IMMP2L: variants seen among roughly 807,000 people sequenced by gnomAD.
IMMP2L encodes mitochondrial inner membrane protease subunit 2.
A neutral mutation model predicts 19.3 loss-of-function variants in IMMP2L; 18 were observed. That is an observed-to-expected ratio of 0.93 (90% CI 0.64 to 1.38). The LOEUF (loss-of-function observed/expected upper bound fraction) is 1.38, where lower values mean the gene tolerates loss of function less well. Ranked by LOEUF, IMMP2L falls within the 40% of genes most tolerant of loss-of-function variation. The pLI is 0.00. For missense variants in IMMP2L, 233 were observed against 218.2 expected, an observed-to-expected ratio of 1.07 and a Z score of -0.43; for synonymous variants, 76 against 73.0, an observed-to-expected ratio of 1.04 and a Z score of -0.21.
intron 3 of IMMP2L, among the ~76,000 whole-genome samples, chr7:110,986,996 C>A (rs538093200): frequency 6.6e-6 from 1 of 151,702 alleles, no homozygotes; most frequent in African/African-American, 2.4e-5. Context: ...TAACTCTCAC[C>A]GAAATAGTAA....
At chr7:110,920,741 A>AT (rs1323530816) in intron 4 of IMMP2L, among the ~76,000 whole-genome samples, 1 of 152,212 alleles carries the variant, frequency 6.6e-6, no homozygotes, top group Non-Finnish European at 1.5e-5. Context: ...GGTTTTATTC[A>AT]TACTACTTCT....
intron 3 of IMMP2L, among the ~76,000 whole-genome samples, chr7:111,189,513 C>A (rs916252780): frequency 6.6e-6 from 1 of 151,784 alleles, no homozygotes; most frequent in Non-Finnish European, 1.5e-5. Flanking sequence ...TTACACTCTA[C>A]TCATAGATTA....
intron 3 of IMMP2L, among the ~76,000 whole-genome samples, chr7:111,374,084 T>C (rs1026610141): frequency 6.6e-6 from 1 of 152,008 alleles, no homozygotes; most frequent in Non-Finnish European, 1.5e-5. Context: ...CAAGCCTTCA[T>C]CATGGTCACT....
intron 5 of IMMP2L, among the ~76,000 whole-genome samples, chr7:110,705,023 T>A (rs766817417): frequency 1.3e-5 from 2 of 152,366 alleles, no homozygotes; most frequent in East Asian, 3.9e-4. Flanking sequence ...CATTTTTATA[T>A]ATGATCAGCT....
intron 4 of IMMP2L, among the ~76,000 whole-genome samples, chr7:110,918,691 T>G (rs1813910497): frequency 6.7e-6 from 1 of 149,258 alleles, no homozygotes; most frequent in South Asian, 2.1e-4. Context: ...CCTGACCTCA[T>G]GATCTGCCCA....
intron 3 of IMMP2L, among the ~76,000 whole-genome samples, chr7:110,991,311 T>C (rs1822430927): frequency 6.6e-6 from 1 of 152,178 alleles, no homozygotes; most frequent in South Asian, 2.1e-4. Flanking sequence ...ACTCTAAATG[T>C]TTATATTTAA....
intron 3 of IMMP2L, among the ~76,000 whole-genome samples, chr7:111,120,616 G>C (rs1237037914): frequency 1.3e-5 from 2 of 151,900 alleles, no homozygotes; most frequent in African/African-American, 4.8e-5. Context: ...TTATTCTCAG[G>C]GAAAAATAAA....
intron 2 of IMMP2L, among the ~76,000 whole-genome samples, chr7:111,509,410 C>A (rs1845239772): frequency 6.6e-6 from 1 of 152,130 alleles, no homozygotes; most frequent in Non-Finnish European, 1.5e-5. Context: ...GACAAGCCCA[C>A]ATTTAAAATT....
intron 3 of IMMP2L, among the ~76,000 whole-genome samples, chr7:111,243,252 T>G (rs534752530): frequency 6.6e-6 from 1 of 152,054 alleles, no homozygotes; most frequent in South Asian, 2.1e-4. Context: ...TATAAAATAT[T>G]TATTATGCTA....
intron 3 of IMMP2L, among the ~76,000 whole-genome samples, chr7:111,081,785 A>G (rs1362266851): frequency 6.6e-6 from 1 of 152,134 alleles, no homozygotes; most frequent in African/African-American, 2.4e-5. Flanking sequence ...ACCTCTGACT[A>G]GGTGTCTGCA....
intron 2 of IMMP2L, among the ~76,000 whole-genome samples, chr7:111,500,782 C>T (rs1299545269): frequency 6.6e-6 from 1 of 152,058 alleles, no homozygotes; most frequent in Non-Finnish European, 1.5e-5. Context: ...AGAAGGAAAA[C>T]TAACAAACAG....
At chr7:110,690,494 T>C (rs1248348340) in intron 5 of IMMP2L, among the ~76,000 whole-genome samples, 2 of 152,038 alleles carry the variant, frequency 1.3e-5, no homozygotes, top group Non-Finnish European at 2.9e-5. Context: ...GGCATCCGAA[T>C]TGAAAAAGGG....
chr7:110,853,611 C>T (rs1806463205), intron 5 of IMMP2L, among the ~76,000 whole-genome samples: 1 of 151,898 alleles, frequency 6.6e-6, no homozygotes, highest in Admixed American at 6.6e-5. Flanking sequence ...AAAGTGTTTT[C>T]CTATACATGA....
At chr7:111,392,403 C>T (rs1832447945) in intron 3 of IMMP2L, among the ~76,000 whole-genome samples, 1 of 152,062 alleles carries the variant, frequency 6.6e-6, no homozygotes, top group Non-Finnish European at 1.5e-5. Flanking sequence ...TATTTTATTG[C>T]CTTAACTTCC....
At chr7:110,814,207 C>G (rs567614235) in intron 5 of IMMP2L, among the ~76,000 whole-genome samples, 1 of 152,018 alleles carries the variant, frequency 6.6e-6, no homozygotes, top group South Asian at 2.1e-4. Context: ...GTTTTCCTCT[C>G]TGGAGAATTT....
chr7:111,166,857 G>A, intron 3 of IMMP2L, among the ~76,000 whole-genome samples: 1 of 151,796 alleles, frequency 6.6e-6, no homozygotes. Flanking sequence ...TCTCTTCTGT[G>A]TCTCCTTCAT....
chr7:111,047,178 T>TGG (rs1792485785), intron 3 of IMMP2L, among the ~76,000 whole-genome samples: 2 of 122,654 alleles, frequency 1.6e-5, no homozygotes, highest in African/African-American at 4.1e-5. Context: ...CTTTTTTGTT[T>TGG]TTTTTTTGTT....
chr7:111,240,849 T>G (rs1487231828), intron 3 of IMMP2L, among the ~76,000 whole-genome samples: 1 of 151,874 alleles, frequency 6.6e-6, no homozygotes, highest in African/African-American at 2.4e-5. Flanking sequence ...CATACTTAAG[T>G]CACACTTAAT....
At chr7:111,516,957 G>C (rs904896807) in intron 2 of IMMP2L, among the ~76,000 whole-genome samples, 3 of 152,000 alleles carry the variant, frequency 2.0e-5, no homozygotes, top group African/African-American at 4.8e-5. Flanking sequence ...AAATTTACCA[G>C]GTAACATAAA....
Sources: gnomAD v4.1 joint callset for allele counts (sites outside exome capture counted in the v4.1 genomes callset) on GRCh38, gnomAD v4.1.1 for gene constraint, MANE v1.5 for transcripts, NCBI Gene and HGNC (gene_info 2026-07-23, HGNC 2026-07-21) for gene names.